MON2: variants seen among roughly 807,000 people sequenced by gnomAD.
The protein encoded by MON2 is protein MON2 homolog.
A neutral mutation model predicts 208.6 loss-of-function variants in MON2; 84 were observed. The ratio of observed to expected loss-of-function variants is 0.40; its 90% CI spans 0.34 to 0.48. MON2 has a LOEUF of 0.48. Among genes scored for constraint, MON2 ranks in the 20% least tolerant of loss-of-function variants. MON2 has a pLI of 0.59. For synonymous variants in MON2, 660 were observed against 694.0 expected (o/e 0.95, Z 0.77); for missense variants, 1,611 against 2,015.4 (o/e 0.80, Z 3.84).
intron 26 of MON2, among the ~76,000 whole-genome samples, chr12:62,564,553 G>C (rs538623130): frequency 3.3e-5 from 5 of 151,828 alleles, no homozygotes; most frequent in Admixed American, 6.6e-5. Context: ...AAAATCTGCA[G>C]TATCATGATA....
chr12:62,466,858 G>A lies in MON2; in HGVS notation c.-350G>A, dbSNP rs367726960. The A allele has an allele frequency of 1.1e-5, 5 of 454,560 alleles. No individual in the cohort carries two copies. The highest frequency in any genetic ancestry group is 4.5e-5 in the South Asian group (1 of 22,034). 28.2% of individuals were successfully genotyped at this position (454,560 alleles called of 1,614,324 possible). A position where few individuals can be genotyped will look rare whatever the true frequency, so the allele number is the denominator to read the frequency against. On this transcript the variant is annotated 5_prime_UTR_variant, in exon 1 of 35. Transcript: ENST00000393630. ...CTAATGGCGTCGGCGAGTCTTAGGGGCCTGGGGAGCTGGCGCTGAAGCTTC... is the reference window on the plus strand; with the variant it reads ...CTAATGGCGTCGGCGAGTCTTAGGGACCTGGGGAGCTGGCGCTGAAGCTTC...
intron 7 of MON2, among the ~76,000 whole-genome samples, chr12:62,505,842 GAT>G (rs2071072775): frequency 6.6e-6 from 1 of 152,134 alleles, no homozygotes; most frequent in Non-Finnish European, 1.5e-5. Context: ...AGTGAGCCAT[GAT>G]CATACCACTG....
Position 62,467,172 on chromosome 12 carries a change from G to A in MON2, c.-36G>A, listed in dbSNP as rs1422552840. On this transcript the variant is annotated 5_prime_UTR_variant, in exon 1 of 35. Coordinates refer to ENST00000393630, the MANE Select transcript of MON2 (RefSeq NM_015026.3). ...GAGCTGACCGTGCCAGAGCTTGTTT[G>A]TACCTCTCGGAAATTGGCTGGGACC... 24 of 1,582,002 alleles carry A rather than the reference G, an allele frequency of 1.5e-5. No individual in the cohort carries two copies. Among genetic ancestry groups the A allele is most frequent in the Non-Finnish European group, 2.0e-5 (23 of 1,158,300 alleles).
intron 34 of MON2, among the ~76,000 whole-genome samples, chr12:62,590,824 C>T (rs1048251901): frequency 2.0e-5 from 3 of 152,148 alleles, no homozygotes; most frequent in Non-Finnish European, 4.4e-5. Context: ...GGGACCACCA[C>T]GTCTGGCTAA....
At chr12:62,562,771 A>G (rs2074245182) in intron 26 of MON2, among the ~76,000 whole-genome samples, 1 of 152,136 alleles carries the variant, frequency 6.6e-6, no homozygotes, top group South Asian at 2.1e-4. Context: ...GATTTCTGAT[A>G]TCATGTTTTC....
Position 62,549,761 on chromosome 12 carries a change from A to T in MON2, c.2847A>T (p.Val949=), listed in dbSNP as rs2073663228. 6.2e-7 allele frequency: 1 copy of T among 1,613,178 alleles called. No homozygotes were observed. Residue 949 remains valine (V), a synonymous_variant, in exon 23 of 35, where the codon GTA becomes GTT. Transcript: ENST00000393630. ...CTTGTACTTGCCTGCAAATAGTTGTAGATGTTGCAGGTAGCTTTGGCCTCC... is the reference window on the plus strand; with the variant it reads ...CTTGTACTTGCCTGCAAATAGTTGTTGATGTTGCAGGTAGCTTTGGCCTCC... ...TMPCTCLQIV[V]DVAGSFGLHN... is the part of the protein sequence containing the mutation.
At chr12:62,587,440 A>AG in intron 33 of MON2, among the ~76,000 whole-genome samples, 1 of 152,170 alleles carries the variant, frequency 6.6e-6, no homozygotes, top group East Asian at 1.9e-4. Flanking sequence ...TTTTAAGGGC[A>AG]GGGCACAGTG....
Position 62,592,566 on chromosome 12 carries a change from TTTATAC to T in MON2, c.4991-17_4991-12del. 6.4e-7 allele frequency: 1 copy of T among 1,564,292 alleles called. No homozygotes were observed. Among genetic ancestry groups the T allele is most frequent in the Non-Finnish European group, 8.7e-7 (1 of 1,143,192 alleles). ...CTATTTAATTCCACCCTTTTGAGGT[TTTATAC>T]TTTTGCATTACAGTTGATGGAAATA... On this transcript the variant is annotated splice_polypyrimidine_tract_variant and intron_variant, in intron 34 of 34. Coordinates refer to ENST00000393630, the MANE Select transcript of MON2 (RefSeq NM_015026.3).
Position 62,501,490 on chromosome 12 carries a change from T to G in MON2, c.664-83T>G, listed in dbSNP as rs1052263337. ...AACATGTATTATATAAGAAGATAGA[T>G]TTTTTTTAAAGATTTATGAACTGCG... On this transcript the variant is annotated intron_variant, in intron 6 of 34. Transcript: ENST00000393630. The G allele has an allele frequency of 1.5e-5, 23 of 1,498,642 alleles. No individual in the cohort carries two copies. The Admixed American group carries it at 4.6e-4, about 30-fold the overall frequency. The allele number at this position is 1,498,642 out of a possible 1,614,324, so 92.8% of individuals were successfully genotyped here.
intron 8 of MON2, among the ~76,000 whole-genome samples, chr12:62,518,739 A>G (rs2071836317): frequency 6.6e-6 from 1 of 152,172 alleles, no homozygotes; most frequent in African/African-American, 2.4e-5. Context: ...TTACTTGTGA[A>G]CTGTGGGTGA....
intron 8 of MON2, among the ~76,000 whole-genome samples, chr12:62,511,628 C>T (rs1402369323): frequency 6.6e-6 from 1 of 152,130 alleles, no homozygotes; most frequent in East Asian, 1.9e-4. Context: ...GGATTCATGA[C>T]CTAAACACAA....
rs372535871 is a variant in MON2 at position 62,592,716 on chromosome 12, A to G, written c.5121A>G (p.Pro1707=). 6 of 1,602,204 alleles carry G rather than the reference A, an allele frequency of 3.7e-6. No individual in the cohort carries two copies. Among genetic ancestry groups the G allele is most frequent in the African/African-American group, 2.7e-5 (2 of 74,828 alleles). The change falls in exon 35 of 35, where the codon CCA becomes CCG. Residue 1707 remains proline, a synonymous_variant. Transcript: ENST00000393630. ...ALVPFKDFMQ[P]PASRVQNGES ...TTCCTTTTAAGGATTTCATGCAGCC[A>G]CCAGCATCCAGAGTTCAAAATGGAG...
At chr12:62,495,255 C>A in intron 4 of MON2, 108 bp downstream of exon 4, 2 of 921,048 alleles carry the variant, frequency 2.2e-6, no homozygotes, top group South Asian at 4.2e-5. Context: ...AACTTCCCTA[C>A]AGCTATGGTG....
intron 25 of MON2, among the ~76,000 whole-genome samples, chr12:62,557,712 T>C (rs1415133678): frequency 6.6e-6 from 1 of 151,846 alleles, no homozygotes; most frequent in Non-Finnish European, 1.5e-5. Context: ...ATGTGCACTT[T>C]TTTCTCCTTT....
intron 32 of MON2, among the ~76,000 whole-genome samples, chr12:62,581,041 A>G (rs1179906309): frequency 6.6e-6 from 1 of 152,236 alleles, no homozygotes. Flanking sequence ...TTCTGTGAGG[A>G]TAGGTAAGAC....
At chr12:62,516,900 A>G (rs938164509) in intron 8 of MON2, among the ~76,000 whole-genome samples, 3 of 152,218 alleles carry the variant, frequency 2.0e-5, no homozygotes, top group Admixed American at 6.5e-5. Flanking sequence ...AAATATTTTT[A>G]AGTAAACAAA....
rs550412252 is a variant in MON2, at chr12:62,591,706, C to T, written c.4991-880C>T. 6.6e-5 allele frequency among the ~76,000 whole-genome samples: 10 copies of T among 152,214 alleles called. No homozygotes were observed. The East Asian group carries it at 1.9e-3, about 29-fold the overall frequency. On this transcript the variant is annotated intron_variant, in intron 34 of 34. Transcript: ENST00000393630. ...GATAAAGAGCAATTAAATGACTTGA[C>T]CAGGGACACCCATCATTGCCTTATT...
intron 14 of MON2, among the ~76,000 whole-genome samples, chr12:62,536,283 C>T (rs566450380): frequency 6.6e-6 from 1 of 151,988 alleles, no homozygotes; most frequent in African/African-American, 2.4e-5. Context: ...GTTAAACTTA[C>T]ATTCAAAAAT....
chr12:62,558,118 A>G (rs1357280045), intron 25 of MON2, among the ~76,000 whole-genome samples: 1 of 150,318 alleles, frequency 6.7e-6, no homozygotes, highest in African/African-American at 2.4e-5. Flanking sequence ...GGGATTACAG[A>G]CAGGCATGCG....
Sources: gnomAD v4.1 joint callset for allele counts (sites outside exome capture counted in the v4.1 genomes callset) on GRCh38, gnomAD v4.1.1 for gene constraint, MANE v1.5 for transcripts, NCBI Gene and HGNC (gene_info 2026-07-23, HGNC 2026-07-21) for gene names.